SHISAL1: variants seen among roughly 807,000 people sequenced by gnomAD.
SHISAL1 encodes the protein protein shisa-like-1.
A neutral mutation model predicts 22.6 loss-of-function variants in SHISAL1; 9 were observed. The observed-to-expected ratio is 0.40, with a 90% CI of 0.24 to 0.70. The LOEUF (loss-of-function observed/expected upper bound fraction) is 0.70. Among genes scored for constraint, SHISAL1 ranks in the 30% least tolerant of loss-of-function variants. The probability of loss-of-function intolerance (pLI) is 0.39; values close to 1 mark genes in which losing one functional copy is unlikely to be tolerated. For synonymous variants in SHISAL1, 119 were observed against 115.4 expected (o/e 1.03, Z -0.20); for missense variants, 246 against 270.6 (o/e 0.91, Z 0.64).
At chr22:44,305,414 C>A (rs73432560) in intron 1 of SHISAL1, among the ~76,000 whole-genome samples, 19 of 152,332 alleles carry the variant, frequency 1.2e-4, no homozygotes, top group African/African-American at 4.6e-4. Context: ...GGCCCTCAGC[C>A]CCCGATCTGC....
At chr22:44,291,360 C>T (rs139213151) in intron 3 of SHISAL1, among the ~76,000 whole-genome samples, 79 of 152,330 alleles carry the variant, frequency 5.2e-4, no homozygotes, top group Admixed American at 3.9e-3. Flanking sequence ...ATGACCGATA[C>T]GGCTGACCCA....
chr22:44,298,256 C>T (rs1293052027), intron 2 of SHISAL1, among the ~76,000 whole-genome samples: 1 of 152,238 alleles, frequency 6.6e-6, no homozygotes, highest in Non-Finnish European at 1.5e-5. Flanking sequence ...AGCTGTCTCA[C>T]CCCATCTCAT....
At chr22:44,314,033 G>T (rs2055541378), upstream of SHISAL1, among the ~76,000 whole-genome samples, 1 of 152,056 alleles carries the variant, frequency 6.6e-6, no homozygotes, top group South Asian at 2.1e-4. Context: ...CGGGAGTGGG[G>T]GTGGTATTTA....
rs368846763 is a variant in SHISAL1, at chr22:44,300,941, G to A, written c.5C>T (p.Thr2Ile). The change falls in exon 2 of 5, where the codon ACC becomes ATC. Residue 2 changes from threonine to isoleucine, a missense_variant. By Grantham distance (89) the Thr-to-Ile change is moderately conservative. Transcript: ENST00000381176. M[T>I]SCGQQSLNVL... ...GTTCAAGGACTGCTGGCCACAACTGGTCATCGTCTGGCTTGCATTGATCCG... is the reference window on the plus strand; with the variant it reads ...GTTCAAGGACTGCTGGCCACAACTGATCATCGTCTGGCTTGCATTGATCCG... 4.3e-6 allele frequency: 7 copies of A among 1,613,998 alleles called. No homozygotes were observed. The African/African-American group carries it at 6.7e-5, about 15-fold the overall frequency.
At chr22:44,264,947 C>T (rs2055151595) in intron 4 of SHISAL1, among the ~76,000 whole-genome samples, 1 of 152,072 alleles carries the variant, frequency 6.6e-6, no homozygotes, top group Non-Finnish European at 1.5e-5. Flanking sequence ...GGACAACGTC[C>T]CCAACACACA....
At chr22:44,314,860 T>C (rs1196611403), upstream of SHISAL1, among the ~76,000 whole-genome samples, 1 of 152,176 alleles carries the variant, frequency 6.6e-6, no homozygotes, top group African/African-American at 2.4e-5. Context: ...CCAAATGCAC[T>C]GCAGCCGCAC....
At chr22:44,252,873 C>T (rs1474165319) in intron 4 of SHISAL1, among the ~76,000 whole-genome samples, 5 of 151,770 alleles carry the variant, frequency 3.3e-5, no homozygotes, top group South Asian at 2.1e-4. Flanking sequence ...TGGGTGCCTG[C>T]AGTCCCAGCT....
chr22:44,328,154 C>T, the SHISAL1 span, among the ~76,000 whole-genome samples: 3 of 152,152 alleles, frequency 2.0e-5, no homozygotes, highest in African/African-American at 7.2e-5. Flanking sequence ...GGAAAGTAAA[C>T]AGGATAATGA....
At chr22:44,291,478 G>T (rs2055352179) in intron 3 of SHISAL1, among the ~76,000 whole-genome samples, 1 of 152,228 alleles carries the variant, frequency 6.6e-6, no homozygotes, top group African/African-American at 2.4e-5. Context: ...ATAGATAACA[G>T]ATGGAGGGTG....
chr22:44,327,992 C>T, the SHISAL1 span, among the ~76,000 whole-genome samples: 851 of 152,286 alleles, frequency 5.6e-3, 3 homozygotes, highest in Middle Eastern at 0.01. Flanking sequence ...GCTCTCAGTT[C>T]GCTCTAAGAT....
In SHISAL1 at chr22:44,246,989, T is replaced by G. The variant is rs1222641734; in HGVS notation, c.*2696A>C. 1 of 152,374 alleles carries G rather than the reference T, an allele frequency of 6.6e-6. No individual in the cohort carries two copies. Among genetic ancestry groups the G allele is most frequent in the African/African-American group, 2.4e-5 (1 of 41,434 alleles). 9.4% of individuals were successfully genotyped at this position (152,374 alleles called of 1,614,324 possible). On this transcript the variant is annotated 3_prime_UTR_variant, in exon 5 of 5. Transcript: ENST00000381176. ...ACAAACCCCATGGGTTTTTCAGTTA[T>G]TCCTGAAAAGACCTCTTGCGGGGAG...
intron 2 of SHISAL1, among the ~76,000 whole-genome samples, chr22:44,299,275 CCGAAGCCT>C (rs1239277495): frequency 6.6e-6 from 1 of 152,218 alleles, no homozygotes; most frequent in African/African-American, 2.4e-5. Context: ...ATTTCGGGCC[CCGAAGCCT>C]CAACCATGAA....
chr22:44,250,931 C>T (rs757164643), intron 4 of SHISAL1, among the ~76,000 whole-genome samples: 7 of 152,218 alleles, frequency 4.6e-5, no homozygotes, highest in Non-Finnish European at 2.9e-5. Flanking sequence ...GTGAGTGATA[C>T]GCCAAGAGGC....
At position 44,244,417 on chromosome 22, in the gene SHISAL1, G is replaced by A. The variant is rs2054980768; in HGVS notation, c.*5268C>T. 1.3e-5 allele frequency: 2 copies of A among 152,210 alleles called. No homozygotes were observed. The highest frequency in any genetic ancestry group is 4.8e-5 in the African/African-American group (2 of 41,426). 9.4% of individuals were successfully genotyped at this position (152,210 alleles called of 1,614,324 possible). A position where few individuals can be genotyped will look rare whatever the true frequency, so the allele number is the denominator to read the frequency against. On this transcript the variant is annotated 3_prime_UTR_variant, in exon 5 of 5. Transcript: ENST00000381176. ...GTGTCGTGAATGGTGCCTCCTGGAG[G>A]TGAACCCTGCAGCAGCCCCGGATTT...
chr22:44,325,807 C>T, the SHISAL1 span, among the ~76,000 whole-genome samples: 21 of 151,948 alleles, frequency 1.4e-4, no homozygotes, highest in Non-Finnish European at 2.5e-4. Context: ...AAGCCACATC[C>T]GTGTGAGACC....
chr22:44,267,203 C>A (rs551392053), intron 4 of SHISAL1, among the ~76,000 whole-genome samples: 12 of 152,220 alleles, frequency 7.9e-5, no homozygotes, highest in Admixed American at 7.8e-4. Flanking sequence ...GCTTCCAGAC[C>A]CCATTTGCCC....
chr22:44,270,163 C>T (rs1236579667), intron 4 of SHISAL1, among the ~76,000 whole-genome samples: 1 of 152,224 alleles, frequency 6.6e-6, no homozygotes, highest in African/African-American at 2.4e-5. Context: ...CTCCACACTT[C>T]GCTGGCTCCA....
chr22:44,261,824 T>C (rs1298112405), intron 4 of SHISAL1, among the ~76,000 whole-genome samples: 1 of 152,102 alleles, frequency 6.6e-6, no homozygotes, highest in African/African-American at 2.4e-5. Flanking sequence ...GATGCGGGGG[T>C]CATGTGTCCT....
rs993335376 is a variant in SHISAL1, at chr22:44,244,048, A to T, written c.*5637T>A. ...CCTCGTTACTGCACATTGTCGAGACACTGACCACTTGGTTATTTGACTGTG... is the reference window on the plus strand; with the variant it reads ...CCTCGTTACTGCACATTGTCGAGACTCTGACCACTTGGTTATTTGACTGTG... On this transcript the variant is annotated 3_prime_UTR_variant, in exon 5 of 5. Transcript: ENST00000381176. The T allele has an allele frequency of 2.6e-5, 4 of 152,218 alleles. No individual in the cohort carries two copies. The highest frequency in any genetic ancestry group is 5.9e-5 in the Non-Finnish European group (4 of 68,054). The allele number at this position is 152,218 out of a possible 1,614,324, so 9.4% of individuals were successfully genotyped here. A position where few individuals can be genotyped will look rare whatever the true frequency, so the allele number is the denominator to read the frequency against.
Sources: gnomAD v4.1 joint callset for allele counts (sites outside exome capture counted in the v4.1 genomes callset) on GRCh38, gnomAD v4.1.1 for gene constraint, MANE v1.5 for transcripts, NCBI Gene and HGNC (gene_info 2026-07-23, HGNC 2026-07-21) for gene names.